The following PGM3 variants were observed in gnomAD, a reference collection of about 807,000 sequenced individuals.
The protein encoded by PGM3 is phosphoglucomutase 3, also known as phosphoacetylglucosamine mutase.
A neutral mutation model predicts 66.2 loss-of-function variants in PGM3; 40 were observed. That is an observed-to-expected ratio of 0.60 (90% CI 0.47 to 0.79). The LOEUF is 0.79. Among genes scored for constraint, PGM3 ranks in the 30% least tolerant of loss-of-function variants. PGM3 has a pLI of 0.00. For synonymous variants in PGM3, 191 were observed against 224.2 expected (o/e 0.85, Z 1.32); for missense variants, 537 against 643.4 (o/e 0.83, Z 1.79).
downstream of PGM3, among the ~76,000 whole-genome samples, chr6:83,159,034 C>T (rs565837892): frequency 1.3e-5 from 2 of 152,156 alleles, no homozygotes; most frequent in East Asian, 3.9e-4. Context: ...TTAATAGAGG[C>T]AGTTTATTAA....
At chr6:83,159,548 C>T (rs564901973), downstream of PGM3, among the ~76,000 whole-genome samples, 2 of 152,222 alleles carry the variant, frequency 1.3e-5, no homozygotes, top group East Asian at 3.9e-4. Flanking sequence ...GCCTTGGCAT[C>T]CCAAAATGCT....
At chr6:83,173,947 A>G (rs1292476221) in intron 10 of PGM3, among the ~76,000 whole-genome samples, 1 of 152,132 alleles carries the variant, frequency 6.6e-6, no homozygotes, top group African/African-American at 2.4e-5. Flanking sequence ...CCTGTTAGCC[A>G]GGAGGGTCTC....
At chr6:83,188,299 AG>A (rs1788747088) in intron 3 of PGM3, among the ~76,000 whole-genome samples, 1 of 152,126 alleles carries the variant, frequency 6.6e-6, no homozygotes, top group South Asian at 2.1e-4. Context: ...TTGACTCTGT[AG>A]GGAAAAAAAA....
chr6:83,170,235 A>C, intron 12 of PGM3, 70 bp downstream of exon 12: 4 of 1,406,688 alleles, frequency 2.8e-6, no homozygotes, highest in Non-Finnish European at 3.0e-6. Context: ...GATTCTAAAA[A>C]CCATTAAAAT....
chr6:83,188,298 T>C (rs1374887412), intron 3 of PGM3, among the ~76,000 whole-genome samples: 4 of 151,916 alleles, frequency 2.6e-5, no homozygotes, highest in Non-Finnish European at 5.9e-5. Flanking sequence ...GTTGACTCTG[T>C]AGGGAAAAAA....
At chr6:83,155,806 G>A in the PGM3 span, 27 of 882,570 alleles carry the variant, frequency 3.1e-5, no homozygotes, top group East Asian at 4.7e-4. Context: ...TTGCCAGCCT[G>A]TCTGCCCCAG....
At position 83,168,825 on chromosome 6, in the gene PGM3, CCT is replaced by C; in HGVS notation, c.*407_*408del. The C allele has an allele frequency of 9.8e-7, 1 of 1,023,580 alleles. No homozygotes were observed. Among genetic ancestry groups the C allele is most frequent in the Non-Finnish European group, 1.2e-6 (1 of 852,042 alleles). 63.4% of individuals were successfully genotyped at this position (1,023,580 alleles called of 1,614,324 possible). A position where few individuals can be genotyped will look rare whatever the true frequency, so the allele number is the denominator to read the frequency against. On this transcript the variant is annotated 3_prime_UTR_variant, in exon 13 of 13. Transcript: ENST00000513973. ...ACTGGTTGTATAAAGTCTTCTCTGCCCTCTCCATTTGTATCAGCAATGGGGAA... is the reference window on the plus strand; with the variant it reads ...ACTGGTTGTATAAAGTCTTCTCTGCCCTCCATTTGTATCAGCAATGGGGAA...
chr6:83,177,008 T>C (rs940301391), intron 8 of PGM3, among the ~76,000 whole-genome samples: 5 of 152,204 alleles, frequency 3.3e-5, no homozygotes, highest in African/African-American at 4.8e-5. Context: ...CCTCAAGATA[T>C]ATTTCGTTTT....
In PGM3 at chr6:83,167,557, A is replaced by G; in HGVS notation, c.*1677T>C. On this transcript the variant is annotated 3_prime_UTR_variant, in exon 13 of 13. Coordinates refer to ENST00000513973, the MANE Select transcript of PGM3 (RefSeq NM_015599.3). Reference sequence around the variant, plus strand: ...ACCTGGGAGCTTTTTGAGTAAATACAAAGCACAACATAAAACTTTTATGTT... The same window carrying G: ...ACCTGGGAGCTTTTTGAGTAAATACGAAGCACAACATAAAACTTTTATGTT... 1.3e-5 allele frequency: 14 copies of G among 1,063,238 alleles called. No individual in the cohort carries two copies. Among genetic ancestry groups the G allele is most frequent in the Non-Finnish European group, 1.6e-5 (14 of 881,590 alleles). 65.9% of individuals were successfully genotyped at this position (1,063,238 alleles called of 1,614,324 possible).
intron 4 of PGM3, 127 bp from the exon 5 acceptor site, chr6:83,183,105 C>T: frequency 1.2e-6 from 1 of 803,452 alleles, no homozygotes; most frequent in Non-Finnish European, 1.9e-6. Context: ...TCTTAGAAAA[C>T]ATAAAAATGA....
rs182373080 is a variant in PGM3, at chr6:83,180,424, A to G, written c.788-457T>C. Among the ~76,000 whole-genome samples, 120 of 152,344 alleles carry G rather than the reference A, an allele frequency of 7.9e-4. 2 individuals carry two copies. The East Asian group carries it at 0.017, about 21-fold the overall frequency. ...AAACACTGATAATTAAGAGCAAAGA[A>G]TTATAACTTTGAGAGATAACTGGCC... On this transcript the variant is annotated intron_variant, in intron 6 of 12. Transcript: ENST00000513973.
chr6:83,183,864 C>T (rs1007630219), intron 4 of PGM3, among the ~76,000 whole-genome samples: 1 of 152,054 alleles, frequency 6.6e-6, no homozygotes, highest in African/African-American at 2.4e-5. Context: ...TACAGGCACC[C>T]ACCACCACGC....
At chr6:83,171,651 C>T (rs964638109) in intron 11 of PGM3, among the ~76,000 whole-genome samples, 4 of 146,520 alleles carry the variant, frequency 2.7e-5, no homozygotes, top group Admixed American at 2.0e-4. Context: ...CCACCACGCC[C>T]AGCTAATTTT....
chr6:83,177,138 GC>G (rs201672942), intron 8 of PGM3, among the ~76,000 whole-genome samples: 1,956 of 152,166 alleles, frequency 0.013, 49 homozygotes, highest in African/African-American at 0.044. Context: ...CCTGTTTTTA[GC>G]CCCCTGCTGC....
intron 5 of PGM3, 96 bp from the exon 6 acceptor site, chr6:83,182,027 T>C (rs1172367275): frequency 3.3e-6 from 2 of 600,904 alleles, no homozygotes; most frequent in Non-Finnish European, 5.3e-6. Context: ...TGTAAATATT[T>C]AGTTAACTCA....
chr6:83,188,705 G>A lies in PGM3; in HGVS notation c.298C>T (p.Gln100Ter). ...TCAATAAGCACTCTCTGCATATCTT[G>A]TTCCTCAGCATTTGCTAAACAGGTG... ...HATCLANAEE[Q>*]DMQRVLIDIS... is the part of the protein sequence containing the mutation. The change falls in exon 3 of 13, where the codon CAA (glutamine) becomes TAA (stop). Residue 100 changes from glutamine (Q) to a stop codon, truncating the protein, a stop_gained. Transcript: ENST00000513973. LOFTEE classifies it high-confidence loss of function. 1 of 1,613,750 alleles carries A rather than the reference G, an allele frequency of 6.2e-7. No homozygotes were observed. Among genetic ancestry groups the A allele is most frequent in the Non-Finnish European group, 8.5e-7 (1 of 1,179,802 alleles).
In PGM3 at chr6:83,179,846, C is replaced by T. The variant is rs752554578; in HGVS notation, c.909G>A (p.Thr303=). The change falls in exon 7 of 13, where the codon ACG becomes ACA. Residue 303 remains threonine (T), a synonymous_variant. Transcript: ENST00000513973. The part of the protein sequence containing the change: ...FHLIDGDKIA[T]LISSFLKELL... ...GCTCTTTAAGGAAACTGCTAATTAA[C>T]GTTGCTATCTTGTCTCCATCTATGA... The T allele has an allele frequency of 1.9e-6, 3 of 1,612,892 alleles. No individual in the cohort carries two copies. Among genetic ancestry groups the T allele is most frequent in the Non-Finnish European group, 2.5e-6 (3 of 1,179,392 alleles).
At chr6:83,188,455 CT>C in intron 3 of PGM3, 158 bp downstream of exon 3, 1 of 597,276 alleles carries the variant, frequency 1.7e-6, no homozygotes, top group Non-Finnish European at 2.9e-6. Context: ...GCAGTAGTGA[CT>C]TAGCTACTAC....
chr6:83,178,531 T>G (rs1031680261), intron 8 of PGM3, 142 bp downstream of exon 8: 7 of 604,728 alleles, frequency 1.2e-5, no homozygotes, highest in Non-Finnish European at 1.8e-5. Context: ...AAATTTTTTC[T>G]TATTTATTTC....
Sources: allele counts gnomAD v4.1 joint callset (sites outside exome capture counted in the v4.1 genomes callset), GRCh38; gene constraint gnomAD v4.1.1; transcripts MANE v1.5; gene names NCBI Gene and HGNC (gene_info 2026-07-23, HGNC 2026-07-21).